Variants in REN observed in about 807,000 individuals in gnomAD.
REN encodes the protein angiotensin-forming enzyme.
A neutral mutation model predicts 48.6 loss-of-function variants in REN; 42 were observed. The ratio of observed to expected loss-of-function variants is 0.86; its 90% CI spans 0.68 to 1.12. REN has a LOEUF of 1.12. Ranked by LOEUF, REN falls within the 50% of genes most tolerant of loss-of-function variation. REN has a pLI of 0.00. For synonymous variants in REN, 196 were observed against 204.6 expected, an observed-to-expected ratio of 0.96 and a Z score of 0.36; for missense variants, 443 against 527.3, an observed-to-expected ratio of 0.84 and a Z score of 1.57.
intron 1 of REN, among the ~76,000 whole-genome samples, chr1:204,162,950 C>G (rs1389079352): frequency 6.6e-6 from 1 of 152,240 alleles, no homozygotes; most frequent in Non-Finnish European, 1.5e-5. Context: ...AACAAGCTAG[C>G]TGTCATCCAT....
intron 1 of REN, 142 bp from the exon 2 acceptor site, chr1:204,162,305 G>C: frequency 1.1e-6 from 1 of 869,846 alleles, no homozygotes; most frequent in Non-Finnish European, 1.8e-6. Flanking sequence ...CTGTCGCTGA[G>C]GGCCTCTGGA....
Position 204,156,626 on chromosome 1 carries a change from C to A in REN, c.818+51G>T, listed in dbSNP as rs778145201. On this transcript the variant is annotated intron_variant, in intron 7 of 9. Transcript: ENST00000272190. The surrounding 1 kb of genome is among the most constrained non-coding windows in gnomAD (Gnocchi z 4.2). ...CAGTCCTTCCCCACCCTCCCCAACC[C>A]CAGTGACGGCAGCATTTTTTGGAGC... 3 of 1,612,564 alleles carry A rather than the reference C, an allele frequency of 1.9e-6. No homozygotes were observed. The South Asian group carries it at 3.3e-5, about 18-fold the overall frequency.
At chr1:204,163,293 T>C (rs943346744) in intron 1 of REN, among the ~76,000 whole-genome samples, 1 of 152,214 alleles carries the variant, frequency 6.6e-6, no homozygotes, top group African/African-American at 2.4e-5. Flanking sequence ...TACCCCCATT[T>C]TGCCCATGAA....
At chr1:204,162,293 C>T (rs1658260548) in intron 1 of REN, 130 bp from the exon 2 acceptor site, 1 of 980,712 alleles carries the variant, frequency 1.0e-6, no homozygotes, top group Admixed American at 2.0e-5. Context: ...TGGAAATCAC[C>T]TCTGTCGCTG....
rs1194228285 is a variant in REN at position 204,162,104 on chromosome 1, A to G, written c.158T>C (p.Met53Thr). 1 of 1,614,134 alleles carries G rather than the reference A, an allele frequency of 6.2e-7. No individual in the cohort carries two copies. Among genetic ancestry groups the G allele is most frequent in the Non-Finnish European group, 8.5e-7 (1 of 1,180,008 alleles). ...RESLKERGVD[M>T]ARLGPEWSQP... Reference sequence around the variant, plus strand: ...GCTCCACTCGGGACCAAGCCTGGCCATGTCCACACCTCGTTCCTTCAGGCT... The same window carrying G: ...GCTCCACTCGGGACCAAGCCTGGCCGTGTCCACACCTCGTTCCTTCAGGCT... Residue 53 changes from methionine (M) to threonine (T), a missense_variant, in exon 2 of 10, where the codon ATG becomes ACG. Coordinates refer to ENST00000272190, the MANE Select transcript of REN (RefSeq NM_000537.4).
At position 204,156,151 on chromosome 1, in the gene REN, C is replaced by T. The variant is rs772593624; in HGVS notation, c.960+27G>A. The T allele has an allele frequency of 1.5e-5, 24 of 1,614,142 alleles. No individual in the cohort carries two copies. The highest frequency in any genetic ancestry group is 1.9e-5 in the Non-Finnish European group (23 of 1,180,046). ...TACCAGGTGGCGCTCCCCCCACCCA[C>T]AGCACCTTCCCTCTTTGGCTTCTTA... On this transcript the variant is annotated intron_variant, in intron 8 of 9. Coordinates refer to ENST00000272190, the MANE Select transcript of REN (RefSeq NM_000537.4). The surrounding 1 kb of genome is among the most constrained non-coding windows in gnomAD (Gnocchi z 4.2).
At chr1:204,166,099 A>C in intron 1 of REN, 97 bp downstream of exon 1, 1 of 982,720 alleles carries the variant, frequency 1.0e-6, no homozygotes, top group South Asian at 1.3e-5. Flanking sequence ...AGCTGATCGT[A>C]AGGACTGAAT....
At chr1:204,158,438 G>C (rs980024108) in intron 5 of REN, among the ~76,000 whole-genome samples, 1 of 111,152 alleles carries the variant, frequency 9.0e-6, no homozygotes, top group African/African-American at 3.6e-5. Context: ...TTTTTTTTGA[G>C]ACTGGATCTC....
rs748060874 is a variant in REN at position 204,164,565 on chromosome 1, C to CTTTTTTTTT, written c.98+1622_98+1630dup. Among the ~76,000 whole-genome samples, 30 of 93,692 alleles carry CTTTTTTTTT rather than the reference C, an allele frequency of 3.2e-4. 2 individuals carry two copies. The highest frequency in any genetic ancestry group is 4.1e-4 in the South Asian group (1 of 2,456). 61.5% of individuals were successfully genotyped at this position (93,692 alleles called of 152,430 possible). A position where few individuals can be genotyped will look rare whatever the true frequency, so the allele number is the denominator to read the frequency against. On this transcript the variant is annotated intron_variant, in intron 1 of 9. Coordinates refer to ENST00000272190, the MANE Select transcript of REN (RefSeq NM_000537.4). ...ATGCTGTCTCTTCCCCTTCTTCAGT[C>CTTTTTTTTT]TTTTTTTTTTTTTTTTTTTTTTTTA...
chr1:204,160,733 T>A, intron 3 of REN, 55 bp from the exon 4 acceptor site: 1 of 1,283,684 alleles, frequency 7.8e-7, no homozygotes, highest in Non-Finnish European at 1.1e-6. Flanking sequence ...ACAGGGGGAC[T>A]CAGAGGCAGG....
In REN at chr1:204,160,662, G is replaced by A. The variant is rs377092171; in HGVS notation, c.390C>T (p.Phe130=). The change falls in exon 4 of 10, where the codon TTC becomes TTT. Residue 130 remains phenylalanine, a synonymous_variant. Coordinates refer to ENST00000272190, the MANE Select transcript of REN (RefSeq NM_000537.4). The part of the protein sequence containing the change: ...LYTACVYHKL[F]DASDSSSYKH... Reference sequence around the variant, plus strand: ...TGTAGCTGGAGGAATCCGAAGCATCGAAGAGCTTGTGATACACTGGCAGGG... The same window carrying A: ...TGTAGCTGGAGGAATCCGAAGCATCAAAGAGCTTGTGATACACTGGCAGGG... 28 of 1,613,690 alleles carry A rather than the reference G, an allele frequency of 1.7e-5. 1 individual carries two copies. Among genetic ancestry groups the A allele is most frequent in the East Asian group, 8.9e-5 (4 of 44,878 alleles).
intron 1 of REN, among the ~76,000 whole-genome samples, chr1:204,163,356 G>C (rs1316422736): frequency 6.6e-6 from 1 of 152,058 alleles, no homozygotes; most frequent in African/African-American, 2.4e-5. Flanking sequence ...GAAATGATTT[G>C]TTATCTTCCT....
chr1:204,155,221 A>C (rs755901652), intron 9 of REN, 44 bp from the exon 10 acceptor site: 1 of 1,607,432 alleles, frequency 6.2e-7, no homozygotes, highest in South Asian at 1.1e-5. Context: ...GCACATGAGC[A>C]TTCTCCTTTC....
Position 204,155,043 on chromosome 1 carries a change from G to T in REN, c.1194C>A (p.Asn398Lys), listed in dbSNP as rs1487016913. Residue 398 changes from asparagine (N) to lysine (K), a missense_variant, in exon 10 of 10, where the codon AAC (asparagine) becomes AAA (lysine). Transcript: ENST00000272190. ...AGCGGGCCAAGGCGAAGCCAATGCG[G>T]TTGTTACGCCGATCAAACTCTGTGT... ...KFYTEFDRRN[N>K]RIGFALAR is the part of the protein sequence containing the mutation. 1.2e-6 allele frequency: 2 copies of T among 1,614,198 alleles called. No homozygotes were observed. The highest frequency in any genetic ancestry group is 1.7e-4 in the Middle Eastern group (1 of 6,056).
chr1:204,166,046 C>A (rs1436397831), intron 1 of REN, 150 bp downstream of exon 1: 3 of 719,014 alleles, frequency 4.2e-6, no homozygotes, highest in South Asian at 1.5e-5. Context: ...ATTTATTGGG[C>A]AAGTCACTTG....
Position 204,156,677 on chromosome 1 carries a change from C to G in REN, c.818G>C (p.Gly273Ala), listed in dbSNP as rs1474446793. ...KTGVWQIQMK[G>A]VSVGSSTLLC... ...CCGGGGAGGGTTGAGGATTTCTGAC[C>G]CCTTCATTTGAATCTGCCAGACACC... is the stretch of plus-strand genomic sequence containing the variant. The change falls in exon 7 of 10, where the codon GGG becomes GCG. Residue 273 changes from glycine to alanine, a missense_variant and splice_region_variant. Transcript: ENST00000272190. The surrounding 1 kb of genome is among the most constrained non-coding windows in gnomAD (Gnocchi z 4.2). The G allele has an allele frequency of 6.2e-7, 1 of 1,613,960 alleles. No homozygotes were observed. Among genetic ancestry groups the G allele is most frequent in the Non-Finnish European group, 8.5e-7 (1 of 1,180,018 alleles).
chr1:204,159,361 T>C (rs1322083707), intron 5 of REN, 38 bp downstream of exon 5: 1 of 1,583,718 alleles, frequency 6.3e-7, no homozygotes, highest in African/African-American at 1.3e-5. Flanking sequence ...TCTCCCCTCC[T>C]GTCCCCCCAC....
chr1:204,155,142 G>C lies in REN; in HGVS notation c.1095C>G (p.Ala365=). ...GTGGCGGGATATCCATGGCGTGGAT[G>C]GCCAGTGTGCACAGCTTTTTACTAC... The part of the protein sequence containing the change: ...SYSSKKLCTL[A]IHAMDIPPPT... Residue 365 remains alanine, a synonymous_variant, in exon 10 of 10, where the codon GCC becomes GCG. Coordinates refer to ENST00000272190, the MANE Select transcript of REN (RefSeq NM_000537.4). The C allele has an allele frequency of 6.2e-7, 1 of 1,614,242 alleles. No individual in the cohort carries two copies.
At chr1:204,162,222 G>A in intron 1 of REN, 59 bp from the exon 2 acceptor site, 1 of 1,592,632 alleles carries the variant, frequency 6.3e-7, no homozygotes, top group Middle Eastern at 1.7e-4. Context: ...CACAGTGGTG[G>A]AGTCCCTGAG....
Sources: gnomAD v4.1 joint callset for allele counts (sites outside exome capture counted in the v4.1 genomes callset) on GRCh38, gnomAD v4.1.1 for gene constraint, Gnocchi (gnomAD v3.1) non-coding constraint, MANE v1.5 for transcripts, NCBI Gene and HGNC (gene_info 2026-07-23, HGNC 2026-07-21) for gene names.